The following ASTN2 variants were observed in gnomAD, a reference collection of about 807,000 sequenced individuals.
ASTN2 encodes the protein astrotactin 2.
A neutral mutation model predicts 139.8 loss-of-function variants in ASTN2; 54 were observed. The ratio of observed to expected loss-of-function variants is 0.39; its 90% CI spans 0.31 to 0.48. The LOEUF (loss-of-function observed/expected upper bound fraction) is 0.48. Ranked by LOEUF, ASTN2 falls within the 20% of genes least tolerant of loss-of-function variation. The pLI, the probability that ASTN2 is intolerant of heterozygous loss-of-function variation, is 0.95. For synonymous variants in ASTN2, 756 were observed against 719.5 expected (o/e 1.05, Z -0.81); for missense variants, 1,565 against 1,725.1 (o/e 0.91, Z 1.64).
chr9:116,994,652 T>C (rs1836959762), intron 7 of ASTN2, among the ~76,000 whole-genome samples: 1 of 152,198 alleles, frequency 6.6e-6, no homozygotes, highest in Non-Finnish European at 1.5e-5. Flanking sequence ...TTCATTTTAA[T>C]TAATTTACAT....
Position 117,214,454 on chromosome 9 carries a change from G to T in ASTN2, c.919C>A (p.His307Asn). The T allele has an allele frequency of 6.2e-7, 1 of 1,614,166 alleles. No homozygotes were observed. Among genetic ancestry groups the T allele is most frequent in the Non-Finnish European group, 8.5e-7 (1 of 1,180,016 alleles). ...EDEEPPRRAN[H>N]VSREDEFGSQ... ...CCAAACTCGTCCTCGCGGGAGACAT[G>T]GTTGGCCCGCCTAGGTGGCTCCTCA... is the stretch of plus-strand genomic sequence containing the variant. Residue 307 changes from histidine to asparagine, a missense_variant, in exon 3 of 23, where the codon CAT becomes AAT. Coordinates refer to ENST00000313400, the MANE Select transcript of ASTN2 (RefSeq NM_001365068.1).
chr9:116,510,794 C>T (rs1587910136), intron 19 of ASTN2, among the ~76,000 whole-genome samples: 4 of 152,214 alleles, frequency 2.6e-5, no homozygotes, highest in Admixed American at 6.5e-5. Flanking sequence ...CATGATTTGG[C>T]TCTCTGTTTG....
At chr9:117,042,917 C>CAACAAAGTG (rs1179765907) in intron 5 of ASTN2, among the ~76,000 whole-genome samples, 2 of 152,128 alleles carry the variant, frequency 1.3e-5, no homozygotes, top group Non-Finnish European at 2.9e-5. Context: ...GTTGCCCAGG[C>CAACAAAGTG]TGGAGTGTGG....
chr9:116,988,164 A>G (rs1836739057), intron 7 of ASTN2, among the ~76,000 whole-genome samples: 1 of 152,242 alleles, frequency 6.6e-6, no homozygotes, highest in Non-Finnish European at 1.5e-5. Flanking sequence ...TAGGGTGGTG[A>G]GAGACAAATT....
chr9:117,051,152 T>C (rs1002693937), intron 5 of ASTN2, among the ~76,000 whole-genome samples: 8 of 152,104 alleles, frequency 5.3e-5, no homozygotes, highest in Non-Finnish European at 1.5e-5. Flanking sequence ...ACACAATGCA[T>C]TGTTGTGTGA....
At chr9:116,791,029 AAGAAAGAAAGAAAG>A (rs1830537899) in intron 13 of ASTN2, among the ~76,000 whole-genome samples, 1 of 120,316 alleles carries the variant, frequency 8.3e-6, no homozygotes, top group Non-Finnish European at 1.8e-5. Flanking sequence ...GAAAGAAAGA[AAGAAAGAAAGAAAG>A]AAAAGAAAAG....
intron 1 of ASTN2, among the ~76,000 whole-genome samples, chr9:117,375,144 G>A (rs1156943802): frequency 6.6e-6 from 1 of 152,194 alleles, no homozygotes; most frequent in African/African-American, 2.4e-5. Context: ...CTGTTAGTTT[G>A]TAAGGACAGA....
intron 19 of ASTN2, among the ~76,000 whole-genome samples, chr9:116,512,893 T>C (rs1434681516): frequency 6.6e-6 from 1 of 152,214 alleles, no homozygotes. Context: ...CCTATGTGTG[T>C]CTCTGCACAT....
chr9:117,236,047 TG>T (rs1833034894), intron 2 of ASTN2, among the ~76,000 whole-genome samples: 3 of 152,136 alleles, frequency 2.0e-5, no homozygotes, highest in Admixed American at 2.0e-4. Flanking sequence ...CTCTCAACCC[TG>T]GGAATCTGGT....
At chr9:116,891,423 A>T (rs998031735) in intron 10 of ASTN2, among the ~76,000 whole-genome samples, 3 of 152,348 alleles carry the variant, frequency 2.0e-5, no homozygotes, top group East Asian at 3.9e-4. Flanking sequence ...TATGTTTATC[A>T]AGTGTTTACT....
chr9:116,718,291 A>G (rs1828370015), intron 16 of ASTN2, among the ~76,000 whole-genome samples: 1 of 152,206 alleles, frequency 6.6e-6, no homozygotes, highest in Non-Finnish European at 1.5e-5. Context: ...GAAGGTCAGT[A>G]TGACAAAACG....
intron 20 of ASTN2, among the ~76,000 whole-genome samples, chr9:116,443,777 G>C (rs1289399611): frequency 6.6e-6 from 1 of 152,130 alleles, no homozygotes; most frequent in African/African-American, 2.4e-5. Flanking sequence ...CAGCTTTTAA[G>C]GGTAGAGGCA....
intron 3 of ASTN2, among the ~76,000 whole-genome samples, chr9:117,186,852 C>T (rs10983569): frequency 0.025 from 3,866 of 152,248 alleles, 77 homozygotes; most frequent in Middle Eastern, 0.065. Flanking sequence ...TAAAGAAGGC[C>T]GGGCGAAGTG....
Position 117,230,185 on chromosome 9 carries a change from G to GAAAAA in ASTN2, c.631-15448_631-15444dup, listed in dbSNP as rs10636499. 5.1e-3 allele frequency among the ~76,000 whole-genome samples: 711 copies of GAAAAA among 139,220 alleles called. 6 individuals carry two copies. The highest frequency in any genetic ancestry group is 0.011 in the African/African-American group (406 of 37,032). The allele number at this position is 139,220 out of a possible 152,430, so 91.3% of individuals were successfully genotyped here. A position where few individuals can be genotyped will look rare whatever the true frequency, so the allele number is the denominator to read the frequency against. ...CTGGGTGTGTGAATTTCTTCAGGCT[G>GAAAAA]AAAAAAAAAAAATCACCCAAACTGA... On this transcript the variant is annotated intron_variant, in intron 2 of 22. Transcript: ENST00000313400.
At chr9:117,080,846 G>C (rs987386094) in intron 5 of ASTN2, among the ~76,000 whole-genome samples, 2 of 152,054 alleles carry the variant, frequency 1.3e-5, no homozygotes, top group Non-Finnish European at 2.9e-5. Flanking sequence ...ACACCCCAGA[G>C]AACCACACTG....
intron 10 of ASTN2, among the ~76,000 whole-genome samples, chr9:116,974,985 T>C (rs1836305099): frequency 6.6e-6 from 1 of 152,192 alleles, no homozygotes; most frequent in African/African-American, 2.4e-5. Context: ...CTCTTTTATA[T>C]TTAATATAAC....
At chr9:116,457,238 T>A (rs546743418) in intron 20 of ASTN2, among the ~76,000 whole-genome samples, 1 of 152,082 alleles carries the variant, frequency 6.6e-6, no homozygotes, top group Non-Finnish European at 1.5e-5. Flanking sequence ...AGACCTCATA[T>A]TACGAAACTA....
At chr9:116,799,260 C>A (rs1830778545) in intron 13 of ASTN2, among the ~76,000 whole-genome samples, 1 of 152,166 alleles carries the variant, frequency 6.6e-6, no homozygotes, top group South Asian at 2.1e-4. Context: ...CTAACAAACA[C>A]CAGCTTTCCT....
At chr9:116,435,618 G>T (rs1199092382) in intron 22 of ASTN2, among the ~76,000 whole-genome samples, 1 of 152,092 alleles carries the variant, frequency 6.6e-6, no homozygotes, top group Non-Finnish European at 1.5e-5. Context: ...TCTTTGCATT[G>T]GTAATTCCTT....
Sources: gnomAD v4.1 joint callset for allele counts (sites outside exome capture counted in the v4.1 genomes callset) on GRCh38, gnomAD v4.1.1 for gene constraint, MANE v1.5 for transcripts, NCBI Gene and HGNC (gene_info 2026-07-23, HGNC 2026-07-21) for gene names.